Variants in MTHFSD observed in about 807,000 individuals in gnomAD.
MTHFSD encodes methenyltetrahydrofolate synthetase domain containing.
Under a neutral mutation model 31.1 loss-of-function variants are expected in MTHFSD, and 37 were observed. The observed-to-expected ratio is 1.19, with a 90% CI of 0.91 to 1.56. MTHFSD has a LOEUF of 1.56. Among genes scored for constraint, MTHFSD ranks in the 40% most tolerant of loss-of-function variants. MTHFSD has a pLI of 0.00. For missense variants in MTHFSD, 664 were observed against 510.1 expected (o/e 1.30, Z -2.91); for synonymous variants, 221 against 206.9 (o/e 1.07, Z -0.59).
chr16:86,541,181 C>T (rs924661380), intron 7 of MTHFSD: 1 of 1,289,594 alleles, frequency 7.8e-7, no homozygotes, highest in African/African-American at 1.5e-5. Flanking sequence ...TAATTTGCAA[C>T]CTGTGCCATT....
chr16:86,536,958 G>A (rs959850951), intron 7 of MTHFSD, among the ~76,000 whole-genome samples: 6 of 152,204 alleles, frequency 3.9e-5, no homozygotes, highest in Admixed American at 1.3e-4. Flanking sequence ...ACGTCTGTGC[G>A]TGAGTTTTAA....
intron 7 of MTHFSD, chr16:86,540,677 T>C: frequency 1.0e-6 from 1 of 988,166 alleles, no homozygotes; most frequent in Non-Finnish European, 1.2e-6. Context: ...AAGGAAGCTG[T>C]GGACCAGAGT....
rs1278448778 is a variant in MTHFSD, at chr16:86,530,806, G to C, written c.*1205C>G. The C allele has an allele frequency of 6.6e-6, 1 of 150,486 alleles. No homozygotes were observed. The highest frequency in any genetic ancestry group is 1.5e-5 in the Non-Finnish European group (1 of 68,058). 9.3% of individuals were successfully genotyped at this position (150,486 alleles called of 1,614,324 possible). A position where few individuals can be genotyped will look rare whatever the true frequency, so the allele number is the denominator to read the frequency against. ...GGGCGGGGGCAAGGCCAAGGACACA[G>C]AGGGCCGAGGGCCCAGGGCCAGGTG... is the stretch of plus-strand genomic sequence containing the variant. On this transcript the variant is annotated 3_prime_UTR_variant, in exon 8 of 8. Transcript: ENST00000360900.
At chr16:86,536,410 T>C (rs979741759) in intron 7 of MTHFSD, among the ~76,000 whole-genome samples, 3 of 152,206 alleles carry the variant, frequency 2.0e-5, no homozygotes, top group African/African-American at 7.2e-5. Flanking sequence ...GGGCAGAATC[T>C]CTTCAACGTG....
At chr16:86,554,021 A>T (rs1017131737) in intron 2 of MTHFSD, among the ~76,000 whole-genome samples, 3 of 152,156 alleles carry the variant, frequency 2.0e-5, no homozygotes, top group Admixed American at 6.5e-5. Flanking sequence ...AAACGGACCA[A>T]TCGGCTCTCT....
chr16:86,550,283 C>T (rs1390834185), intron 3 of MTHFSD, among the ~76,000 whole-genome samples: 1 of 152,218 alleles, frequency 6.6e-6, no homozygotes, highest in Admixed American at 6.5e-5. Context: ...ATCCTATGCC[C>T]AGCACGCAGC....
intron 3 of MTHFSD, among the ~76,000 whole-genome samples, chr16:86,548,887 G>A (rs1972722911): frequency 6.6e-6 from 1 of 152,180 alleles, no homozygotes; most frequent in Non-Finnish European, 1.5e-5. Context: ...TCCAAACTAA[G>A]GTCAGTTCTG....
At chr16:86,554,466 A>G (rs1161014215) in intron 2 of MTHFSD, among the ~76,000 whole-genome samples, 179 bp downstream of exon 2, 1 of 152,212 alleles carries the variant, frequency 6.6e-6, no homozygotes, top group African/African-American at 2.4e-5. Context: ...CCAGGTGAAG[A>G]GTAAATGACG....
At chr16:86,536,860 C>T (rs1323211065) in intron 7 of MTHFSD, among the ~76,000 whole-genome samples, 1 of 152,246 alleles carries the variant, frequency 6.6e-6, no homozygotes. Context: ...CTTGGGGTTT[C>T]AGCCCTCGGA....
At chr16:86,532,847 T>G in intron 7 of MTHFSD, 1 of 168,510 alleles carries the variant, frequency 5.9e-6, no homozygotes, top group Non-Finnish European at 1.3e-5. Context: ...GCACCTAAGA[T>G]TGCTACTATT....
At chr16:86,532,805 G>A (rs1970157017) in intron 7 of MTHFSD, 1 of 211,314 alleles carries the variant, frequency 4.7e-6, no homozygotes, top group Non-Finnish European at 9.3e-6. Flanking sequence ...GTAAAGCTGG[G>A]GCTCTCTGCT....
rs1374865128 is a variant in MTHFSD, at chr16:86,548,501, G to A, written c.314C>T (p.Ala105Val). The A allele has an allele frequency of 6.2e-7, 1 of 1,613,848 alleles. No individual in the cohort carries two copies. The highest frequency in any genetic ancestry group is 2.2e-5 in the East Asian group (1 of 44,856). The change falls in exon 4 of 8, where the codon GCA becomes GTA. Residue 105 changes from alanine (A) to valine (V), a missense_variant. Physicochemically the swap from Ala to Val is moderately conservative, Grantham distance 64. Coordinates refer to ENST00000360900, the MANE Select transcript of MTHFSD (RefSeq NM_001159377.2). ...ACATTTTCTCAAGATGTCTTTAGTT[G>A]CCCCAGGGGGTGGTGTGATCTTATT... ...LFNKITPPPG[A>V]TKDILRKCAT...
Position 86,555,213 on chromosome 16 carries a change from C to G in MTHFSD, c.-29G>C. 1.3e-6 allele frequency: 2 copies of G among 1,536,306 alleles called. No homozygotes were observed. Among genetic ancestry groups the G allele is most frequent in the Non-Finnish European group, 1.7e-6 (2 of 1,146,350 alleles). ...GATGCAGTCGCTGTGCGACGCTTCCCGGCGCAGGTTCTGGCGCGTAGTGAC... is the reference window on the plus strand; with the variant it reads ...GATGCAGTCGCTGTGCGACGCTTCCGGGCGCAGGTTCTGGCGCGTAGTGAC... On this transcript the variant is annotated 5_prime_UTR_variant, in exon 1 of 8. Coordinates refer to ENST00000360900, the MANE Select transcript of MTHFSD (RefSeq NM_001159377.2).
chr16:86,540,913 T>A, intron 7 of MTHFSD: 1 of 1,134,772 alleles, frequency 8.8e-7, no homozygotes, highest in Non-Finnish European at 1.1e-6. Context: ...AAGTCCCGGC[T>A]GGGCTGTGGC....
At chr16:86,544,811 G>A (rs1271263977) in intron 5 of MTHFSD, among the ~76,000 whole-genome samples, 1 of 152,198 alleles carries the variant, frequency 6.6e-6, no homozygotes, top group African/African-American at 2.4e-5. Flanking sequence ...CAACCCAAAT[G>A]CTCATCAACG....
intron 7 of MTHFSD, among the ~76,000 whole-genome samples, chr16:86,535,782 C>T (rs1970613430): frequency 6.6e-6 from 1 of 152,136 alleles, no homozygotes; most frequent in Non-Finnish European, 1.5e-5. Flanking sequence ...GGATAAACTG[C>T]TTTTCTTTCT....
At chr16:86,538,730 C>T (rs1971063280) in intron 7 of MTHFSD, among the ~76,000 whole-genome samples, 1 of 152,214 alleles carries the variant, frequency 6.6e-6, no homozygotes, top group African/African-American at 2.4e-5. Flanking sequence ...AGGTTCAGGA[C>T]CACGTTCCAG....
rs1972653124 is a variant in MTHFSD, at chr16:86,548,470, G to A, written c.345C>T (p.Thr115=). The part of the protein sequence containing the change: ...ATKDILRKCA[T]SQGVRNYSVP... ...CATTGCTTCTGGTACTTACCTGAGA[G>A]GTGGCACATTTTCTCAAGATGTCTT... Residue 115 remains threonine, a synonymous_variant, in exon 4 of 8, where the codon ACC becomes ACT. Transcript: ENST00000360900. The A allele has an allele frequency of 6.2e-7, 1 of 1,612,840 alleles. No individual in the cohort carries two copies. Among genetic ancestry groups the A allele is most frequent in the Admixed American group, 1.7e-5 (1 of 59,904 alleles).
intron 7 of MTHFSD, among the ~76,000 whole-genome samples, chr16:86,538,478 G>C (rs969650472): frequency 3.3e-5 from 5 of 152,206 alleles, no homozygotes; most frequent in African/African-American, 1.2e-4. Context: ...TCAGCCCTGG[G>C]AGCTGGCTGG....
Sources: gnomAD v4.1 joint callset for allele counts (sites outside exome capture counted in the v4.1 genomes callset) on GRCh38, gnomAD v4.1.1 for gene constraint, MANE v1.5 for transcripts, NCBI Gene and HGNC (gene_info 2026-07-23, HGNC 2026-07-21) for gene names.